PLEKHG5: variants seen among roughly 807,000 people sequenced by gnomAD.
PLEKHG5 encodes the protein pleckstrin homology and RhoGEF domain containing G5, also known as pleckstrin homology domain-containing family G member 5.
A neutral mutation model predicts 103.8 loss-of-function variants in PLEKHG5; 52 were observed. The ratio of observed to expected loss-of-function variants is 0.50; its 90% CI spans 0.40 to 0.63. The LOEUF (loss-of-function observed/expected upper bound fraction) is 0.63. PLEKHG5 is among the 30% of genes least tolerant of loss of function. PLEKHG5 has a pLI of 0.00. For missense variants in PLEKHG5, 1,205 were observed against 1,347.6 expected (o/e 0.89, Z 1.66); for synonymous variants, 592 against 575.5 (o/e 1.03, Z -0.41).
upstream of PLEKHG5, chr1:6,496,592 A>G (rs1316305980): frequency 1.3e-6 from 2 of 1,520,944 alleles, no homozygotes; most frequent in South Asian, 1.3e-5. Flanking sequence ...AGCAGAGGGC[A>G]TCAGTCAGCG....
At chr1:6,474,360 G>C (rs1294882100) in intron 6 of PLEKHG5, 91 bp downstream of exon 6, 10 of 1,440,702 alleles carry the variant, frequency 6.9e-6, no homozygotes, top group Non-Finnish European at 7.6e-6. Flanking sequence ...TCAGGCCCAC[G>C]ACCAATGGGA....
Position 6,473,002 on chromosome 1 carries a change from A to G in PLEKHG5, c.968T>C (p.Leu323Pro). 6.2e-7 allele frequency: 1 copy of G among 1,613,934 alleles called. No individual in the cohort carries two copies. The highest frequency in any genetic ancestry group is 8.5e-7 in the Non-Finnish European group (1 of 1,179,952). ...CLRLEDSWRELIDGHEKLTRR... is the reference protein window; with the variant it reads ...CLRLEDSWREPIDGHEKLTRR... ...CGCACTCACCTCATGCCCATCAATG[A>G]GCTCCCGCCAGCTGTCCTCCAGCCT... The change falls in exon 9 of 21, where the codon CTC (leucine) becomes CCC (proline). Residue 323 changes from leucine (L) to proline (P), a missense_variant. Physicochemically the swap from Leu to Pro is moderately conservative, Grantham distance 98 (BLOSUM62 -3). Transcript: ENST00000377728.
At position 6,468,589 on chromosome 1, in the gene PLEKHG5, G is replaced by A; in HGVS notation, c.2250-3C>T. On this transcript the variant is annotated splice_polypyrimidine_tract_variant and splice_region_variant and intron_variant, in intron 19 of 20. Coordinates refer to ENST00000377728, the MANE Select transcript of PLEKHG5 (RefSeq NM_020631.6). ...TCTCCGTGGAGCCATCTGAGGCACTGTGGGGCCAGGAGCAGAGTCAGCCCA... is the reference window on the plus strand; with the variant it reads ...TCTCCGTGGAGCCATCTGAGGCACTATGGGGCCAGGAGCAGAGTCAGCCCA... 1 of 1,612,940 alleles carries A rather than the reference G, an allele frequency of 6.2e-7. No homozygotes were observed. The highest frequency in any genetic ancestry group is 8.5e-7 in the Non-Finnish European group (1 of 1,179,930).
chr1:6,484,155 G>A (rs80184346), intron 1 of PLEKHG5, among the ~76,000 whole-genome samples: 2,818 of 152,308 alleles, frequency 0.019, 87 homozygotes, highest in African/African-American at 0.064. Flanking sequence ...CAGCAGATTT[G>A]ATACCCTGAT....
In PLEKHG5 at chr1:6,490,761, C is replaced by T. The variant is rs985191014; in HGVS notation, c.-88+876G>A. ...CGGTGGCTTGGGGTAATCCAGGATC[C>T]GGGCTCAGGGGAGGGGGTGGGGGGC... On this transcript the variant is annotated intron_variant, in intron 1 of 20. Transcript: ENST00000377728. This position sits in a 1 kb window ranked among gnomAD's most constrained non-coding sequence, Gnocchi z 8.0. 3.3e-5 allele frequency among the ~76,000 whole-genome samples: 5 copies of T among 151,202 alleles called. No homozygotes were observed. The highest frequency in any genetic ancestry group is 1.2e-4 in the African/African-American group (5 of 41,076).
upstream of PLEKHG5, among the ~76,000 whole-genome samples, chr1:6,495,875 G>C (rs566759994): frequency 6.6e-6 from 1 of 152,210 alleles, no homozygotes; most frequent in South Asian, 2.1e-4. Flanking sequence ...CACAGAAAGC[G>C]GGTGGCACTA....
intron 1 of PLEKHG5, chr1:6,485,755 G>T (rs951085780): frequency 8.7e-6 from 4 of 459,364 alleles, no homozygotes; most frequent in African/African-American, 7.0e-5. Context: ...CTGCCCGGCC[G>T]GGGGACCCCC....
chr1:6,509,554 G>A (rs180964098), intron 1 of PLEKHG5, among the ~76,000 whole-genome samples: 4 of 152,330 alleles, frequency 2.6e-5, no homozygotes, highest in East Asian at 1.9e-4. Flanking sequence ...ACGGCCACTC[G>A]GGAGACGTAG....
At chr1:6,513,478 C>T (rs1394466620) in intron 1 of PLEKHG5, among the ~76,000 whole-genome samples, 1 of 152,228 alleles carries the variant, frequency 6.6e-6, no homozygotes, top group Non-Finnish European at 1.5e-5. Context: ...ATTTTTCAGC[C>T]TGAGGTGAGG....
intron 1 of PLEKHG5, among the ~76,000 whole-genome samples, chr1:6,515,360 T>C (rs941799262): frequency 1.4e-4 from 21 of 151,844 alleles, no homozygotes; most frequent in African/African-American, 5.1e-4. Flanking sequence ...ACCCCGTCTC[T>C]ACTACAAATA....
chr1:6,482,843 G>A (rs1644937488), intron 1 of PLEKHG5, among the ~76,000 whole-genome samples: 1 of 152,130 alleles, frequency 6.6e-6, no homozygotes, highest in Non-Finnish European at 1.5e-5. Context: ...CAAGTAACTG[G>A]GACTACAAGC....
intron 7 of PLEKHG5, 61 bp downstream of exon 7, chr1:6,473,952 G>T: frequency 1.3e-6 from 2 of 1,482,970 alleles, no homozygotes; most frequent in Non-Finnish European, 1.8e-6. Context: ...CTGAGGAGGG[G>T]CTGTGGGCCC....
At chr1:6,493,937 G>A (rs1645185279), upstream of PLEKHG5, among the ~76,000 whole-genome samples, 1 of 151,340 alleles carries the variant, frequency 6.6e-6, no homozygotes, top group African/African-American at 2.4e-5. Flanking sequence ...TGGGATTACA[G>A]GCATGAGCCC....
chr1:6,498,297 C>G (rs1027839067), upstream of PLEKHG5, among the ~76,000 whole-genome samples: 3 of 152,154 alleles, frequency 2.0e-5, no homozygotes, highest in African/African-American at 7.2e-5. Flanking sequence ...GGGTGGACTT[C>G]CCTGACCCCT....
At chr1:6,481,306 G>A (rs958712065) in intron 1 of PLEKHG5, among the ~76,000 whole-genome samples, 1 of 152,054 alleles carries the variant, frequency 6.6e-6, no homozygotes, top group African/African-American at 2.4e-5. Context: ...CGAGGCGGGC[G>A]GGTCACCTGA....
chr1:6,498,578 G>T (rs1645260819), upstream of PLEKHG5, among the ~76,000 whole-genome samples: 1 of 152,278 alleles, frequency 6.6e-6, no homozygotes, highest in Non-Finnish European at 1.5e-5. Context: ...CTCACAGGGG[G>T]CCTGGTGGGC....
chr1:6,471,653 G>A lies in PLEKHG5; in HGVS notation c.1132-16C>T, dbSNP rs1413532166. 6 of 1,571,162 alleles carry A rather than the reference G, an allele frequency of 3.8e-6. No homozygotes were observed. The highest frequency in any genetic ancestry group is 3.4e-4 in the Middle Eastern group (2 of 5,894). On this transcript the variant is annotated splice_polypyrimidine_tract_variant and intron_variant, in intron 11 of 20. Coordinates refer to ENST00000377728, the MANE Select transcript of PLEKHG5 (RefSeq NM_020631.6). ...CCGCCTCCACCTGGGCGCGGCGGGA[G>A]GTGCGGTTGGCCACGCCCCTCCGCC...
intron 1 of PLEKHG5, among the ~76,000 whole-genome samples, chr1:6,518,450 C>T (rs1638687642): frequency 6.6e-6 from 1 of 150,856 alleles, no homozygotes; most frequent in Non-Finnish European, 1.5e-5. Flanking sequence ...ATCCCAGCTA[C>T]TCGGGAGGCT....
intron 1 of PLEKHG5, chr1:6,485,786 T>A: frequency 1.5e-6 from 1 of 685,722 alleles, no homozygotes. Flanking sequence ...CTCCGCCCAG[T>A]CCCCGGGACC....
Sources: allele counts gnomAD v4.1 joint callset (sites outside exome capture counted in the v4.1 genomes callset), GRCh38; gene constraint gnomAD v4.1.1; non-coding constraint Gnocchi (gnomAD v3.1); transcripts MANE v1.5; gene names NCBI Gene and HGNC (gene_info 2026-07-23, HGNC 2026-07-21).